The following OPCML variants were observed in gnomAD, a reference collection of about 807,000 sequenced individuals.
OPCML encodes opioid-binding protein/cell adhesion molecule.
Under a neutral mutation model 37.8 loss-of-function variants are expected in OPCML, and 13 were observed. The ratio of observed to expected loss-of-function variants is 0.34; its 90% CI spans 0.22 to 0.55. The LOEUF (loss-of-function observed/expected upper bound fraction) is 0.55, where lower values mean the gene tolerates loss of function less well. Among genes scored for constraint, OPCML ranks in the 20% least tolerant of loss-of-function variants. The probability of loss-of-function intolerance (pLI) is 0.91; values close to 1 mark genes in which losing one functional copy is unlikely to be tolerated. For missense variants in OPCML, 341 were observed against 435.6 expected, an observed-to-expected ratio of 0.78 and a Z score of 1.93; for synonymous variants, 176 against 168.8, an observed-to-expected ratio of 1.04 and a Z score of -0.33.
At chr11:132,710,024 G>A (rs1173124233) in intron 2 of OPCML, among the ~76,000 whole-genome samples, 1 of 152,128 alleles carries the variant, frequency 6.6e-6, no homozygotes, top group Admixed American at 6.5e-5. Context: ...AATACAGTTG[G>A]TAATCTAATA....
chr11:133,092,434 A>C (rs1012000966), intron 1 of OPCML, among the ~76,000 whole-genome samples: 2 of 152,036 alleles, frequency 1.3e-5, no homozygotes, highest in Admixed American at 6.5e-5. Context: ...AATAAAACTC[A>C]AGAGCTGGCT....
At chr11:132,457,343 C>T (rs1243460007) in intron 4 of OPCML, among the ~76,000 whole-genome samples, 1 of 152,172 alleles carries the variant, frequency 6.6e-6, no homozygotes, top group Non-Finnish European at 1.5e-5. Context: ...ATCTACTCTG[C>T]TCTTAAGACG....
chr11:133,354,280 G>GTGA (rs1944221355), intron 1 of OPCML, among the ~76,000 whole-genome samples: 5 of 27,456 alleles, frequency 1.8e-4, no homozygotes, highest in Non-Finnish European at 3.1e-4. Flanking sequence ...GGTGGTGATA[G>GTGA]TGATGGTGGT....
At chr11:133,053,028 C>G (rs1321567913) in intron 1 of OPCML, among the ~76,000 whole-genome samples, 1 of 152,222 alleles carries the variant, frequency 6.6e-6, no homozygotes, top group African/African-American at 2.4e-5. Context: ...CACAACAGGT[C>G]TTGACTAACA....
chr11:133,373,968 G>A (rs998079242), intron 1 of OPCML, among the ~76,000 whole-genome samples: 1 of 152,160 alleles, frequency 6.6e-6, no homozygotes, highest in African/African-American at 2.4e-5. Flanking sequence ...AAATTTAAAT[G>A]TGTGTGTATT....
At chr11:132,769,153 G>T (rs1391060889) in intron 2 of OPCML, among the ~76,000 whole-genome samples, 1 of 151,896 alleles carries the variant, frequency 6.6e-6, no homozygotes, top group African/African-American at 2.4e-5. Context: ...TATTGGGTTT[G>T]CCCATTGTGT....
intron 1 of OPCML, among the ~76,000 whole-genome samples, chr11:133,457,468 G>A (rs1293455100): frequency 6.6e-6 from 1 of 152,144 alleles, no homozygotes; most frequent in Non-Finnish European, 1.5e-5. Context: ...GAGCCTGGGA[G>A]GTCAAGGCTG....
At chr11:133,046,269 A>T (rs1372506273) in intron 1 of OPCML, among the ~76,000 whole-genome samples, 1 of 152,194 alleles carries the variant, frequency 6.6e-6, no homozygotes, top group East Asian at 1.9e-4. Context: ...TTAAATGTTA[A>T]AGTTCTTTGG....
intron 1 of OPCML, among the ~76,000 whole-genome samples, chr11:132,990,866 T>G (rs941693627): frequency 2.0e-5 from 3 of 152,188 alleles, no homozygotes; most frequent in African/African-American, 7.2e-5. Flanking sequence ...TCATAAAATG[T>G]GGTAGCTTAT....
chr11:132,843,082 C>CTTTTTTTTTTTTTTTTT (rs908099363), intron 2 of OPCML, among the ~76,000 whole-genome samples: 1 of 99,490 alleles, frequency 1.0e-5, no homozygotes, highest in Non-Finnish European at 2.1e-5. Context: ...AGTGTGGTTC[C>CTTTTTTTTTTTTTTTTT]TTTTTCTTTC....
chr11:132,513,085 G>A (rs1295434152), intron 4 of OPCML, among the ~76,000 whole-genome samples: 2 of 152,102 alleles, frequency 1.3e-5, no homozygotes, highest in South Asian at 4.2e-4. Context: ...ACATATCAAG[G>A]TATAGATGTT....
At chr11:132,849,656 C>T (rs890660207) in intron 2 of OPCML, among the ~76,000 whole-genome samples, 3 of 146,502 alleles carry the variant, frequency 2.0e-5, no homozygotes, top group Non-Finnish European at 3.1e-5. Flanking sequence ...AGGCATTAAG[C>T]CATGCAACTA....
chr11:132,629,539 T>G (rs549836041), intron 3 of OPCML, among the ~76,000 whole-genome samples: 1 of 152,220 alleles, frequency 6.6e-6, no homozygotes, highest in African/African-American at 2.4e-5. Flanking sequence ...CAAGAAACTT[T>G]CAGAAGTTAG....
intron 2 of OPCML, among the ~76,000 whole-genome samples, chr11:132,686,262 T>C (rs1464514762): frequency 6.6e-6 from 1 of 152,080 alleles, no homozygotes; most frequent in Non-Finnish European, 1.5e-5. Flanking sequence ...TACAACAACA[T>C]GAAAATGAGG....
intron 1 of OPCML, among the ~76,000 whole-genome samples, chr11:132,978,692 C>T (rs1267643420): frequency 6.6e-6 from 1 of 152,178 alleles, no homozygotes; most frequent in Non-Finnish European, 1.5e-5. Context: ...CCTCCTCTGT[C>T]TCCATGTTCC....
chr11:133,323,318 A>T (rs968755765), intron 1 of OPCML, among the ~76,000 whole-genome samples: 1 of 152,238 alleles, frequency 6.6e-6, no homozygotes, highest in African/African-American at 2.4e-5. Flanking sequence ...TGTTCTGTTC[A>T]ATTCTAATGC....
chr11:132,474,850 G>A (rs1469625826), intron 4 of OPCML, among the ~76,000 whole-genome samples: 7 of 152,126 alleles, frequency 4.6e-5, no homozygotes, highest in African/African-American at 2.4e-5. Flanking sequence ...GGTGTAAAAC[G>A]CCTAGTCATA....
chr11:132,546,807 G>T (rs1173742672), intron 3 of OPCML, among the ~76,000 whole-genome samples: 1 of 151,872 alleles, frequency 6.6e-6, no homozygotes, highest in Non-Finnish European at 1.5e-5. Context: ...AGTGCCGGGG[G>T]TGGTGGCAGG....
chr11:133,086,080 C>T (rs1426105683), intron 1 of OPCML, among the ~76,000 whole-genome samples: 1 of 152,166 alleles, frequency 6.6e-6, no homozygotes. Context: ...CTAGAGAAAG[C>T]CTTTTAATCA....
Sources: allele counts gnomAD v4.1 joint callset (sites outside exome capture counted in the v4.1 genomes callset), GRCh38; gene constraint gnomAD v4.1.1; transcripts MANE v1.5; gene names NCBI Gene and HGNC (gene_info 2026-07-23, HGNC 2026-07-21).